The following IL15 variants were observed in gnomAD, a reference collection of about 807,000 sequenced individuals.
The protein encoded by IL15 is interleukin 15, also known as interleukin-15.
In IL15, 11 loss-of-function variants were observed where a neutral mutation model predicts 19.6. The observed-to-expected ratio is 0.56, with a 90% CI of 0.35 to 0.93. The LOEUF (loss-of-function observed/expected upper bound fraction) is 0.93. IL15 is among the 40% of genes least tolerant of loss of function. IL15 has a pLI of 0.01. For synonymous variants in IL15, 58 were observed against 59.6 expected (o/e 0.97, Z 0.12); for missense variants, 197 against 186.5 (o/e 1.06, Z -0.33).
chr4:141,643,425 G>T (rs1003937985), intron 1 of IL15, among the ~76,000 whole-genome samples: 1 of 152,056 alleles, frequency 6.6e-6, no homozygotes, highest in African/African-American at 2.4e-5. Context: ...AACCAGCCAG[G>T]CTGTCATCTC....
chr4:141,732,354 T>C (rs773573957), intron 7 of IL15, among the ~76,000 whole-genome samples: 5 of 152,122 alleles, frequency 3.3e-5, no homozygotes, highest in Non-Finnish European at 5.9e-5. Flanking sequence ...TTCTAGGGCA[T>C]AACATTGAGG....
intron 2 of IL15, among the ~76,000 whole-genome samples, chr4:141,709,600 A>G (rs554931677): frequency 1.1e-4 from 16 of 152,324 alleles, no homozygotes; most frequent in African/African-American, 3.4e-4. Flanking sequence ...TGGCATATCA[A>G]TGCTAGCCTT....
chr4:141,695,974 T>C (rs977475497), intron 2 of IL15, among the ~76,000 whole-genome samples: 3 of 152,144 alleles, frequency 2.0e-5, no homozygotes, highest in Non-Finnish European at 2.9e-5. Flanking sequence ...TTTTCCTATT[T>C]TTGCTTTTGC....
chr4:141,646,578 T>C (rs1299649239), intron 1 of IL15, among the ~76,000 whole-genome samples: 2 of 152,112 alleles, frequency 1.3e-5, no homozygotes, highest in Non-Finnish European at 2.9e-5. Context: ...GAATTCAGAT[T>C]ATTTTTCAGA....
chr4:141,663,737 G>A (rs1327811476), intron 2 of IL15, among the ~76,000 whole-genome samples: 1 of 152,176 alleles, frequency 6.6e-6, no homozygotes, highest in Non-Finnish European at 1.5e-5. Context: ...GAAGTTGAGA[G>A]TAATATTTTT....
At chr4:141,667,502 G>T (rs1005919736) in intron 2 of IL15, among the ~76,000 whole-genome samples, 2 of 152,136 alleles carry the variant, frequency 1.3e-5, no homozygotes, top group Non-Finnish European at 1.5e-5. Context: ...TTGTTGTGGT[G>T]TGAGAGTAGA....
intron 2 of IL15, among the ~76,000 whole-genome samples, chr4:141,662,997 GA>G (rs979931391): frequency 4.0e-5 from 6 of 150,854 alleles, no homozygotes; most frequent in African/African-American, 1.5e-4. Flanking sequence ...ATTATTGGCA[GA>G]AAAAAAATCC....
chr4:141,643,467 G>C (rs1003782181), intron 1 of IL15, among the ~76,000 whole-genome samples: 1 of 152,062 alleles, frequency 6.6e-6, no homozygotes, highest in East Asian at 1.9e-4. Flanking sequence ...CTTGTCAAAG[G>C]TACCACGAAC....
intron 1 of IL15, among the ~76,000 whole-genome samples, chr4:141,642,037 C>T (rs996940871): frequency 3.3e-5 from 5 of 151,270 alleles, no homozygotes; most frequent in Non-Finnish European, 7.4e-5. Context: ...TAAATAATAA[C>T]GTGCTCTTGA....
chr4:141,720,855 A>T (rs1175740031), intron 4 of IL15: 8 of 536,404 alleles, frequency 1.5e-5, no homozygotes, highest in Non-Finnish European at 2.6e-5. Context: ...GATAGACTAC[A>T]TATTTTTCAT....
chr4:141,704,047 T>C (rs950325376), intron 2 of IL15, among the ~76,000 whole-genome samples: 1 of 152,194 alleles, frequency 6.6e-6, no homozygotes, highest in African/African-American at 2.4e-5. Context: ...TGGATGCCTT[T>C]TATTTATCTG....
At chr4:141,656,396 G>T (rs143151545) in intron 2 of IL15, 89 bp downstream of exon 2, 12 of 395,232 alleles carry the variant, frequency 3.0e-5, no homozygotes, top group Non-Finnish European at 4.5e-5. Context: ...GGCAAAACAG[G>T]TGAAGTTATA....
In IL15 at chr4:141,732,028, C is replaced by T. The variant is rs142639727; in HGVS notation, c.379-710C>T. Among the ~76,000 whole-genome samples the T allele has an allele frequency of 8.9e-3, 1,350 of 152,190 alleles. 14 individuals carry two copies. Among genetic ancestry groups the T allele is most frequent in the Middle Eastern group, 0.017 (5 of 294 alleles). On this transcript the variant is annotated intron_variant, in intron 7 of 7. Transcript: ENST00000320650. ...TGCTAGGGAAACAAACATACTGGCT[C>T]TGACCTTCTGGCAGAGAGCTTAGAG...
At chr4:141,648,083 A>G (rs1727289707) in intron 1 of IL15, among the ~76,000 whole-genome samples, 1 of 152,046 alleles carries the variant, frequency 6.6e-6, no homozygotes, top group African/African-American at 2.4e-5. Context: ...TGAGGGGTCA[A>G]GTTAGATCAG....
intron 1 of IL15, among the ~76,000 whole-genome samples, chr4:141,652,615 A>G (rs1225284776): frequency 1.3e-5 from 2 of 152,102 alleles, no homozygotes; most frequent in African/African-American, 4.8e-5. Context: ...GATACATTTC[A>G]TGTGAAGCTA....
At chr4:141,679,236 G>T (rs747523722) in intron 2 of IL15, among the ~76,000 whole-genome samples, 2 of 152,060 alleles carry the variant, frequency 1.3e-5, no homozygotes, top group Non-Finnish European at 2.9e-5. Context: ...TAAGCAAGCC[G>T]TTCCACAGTT....
At chr4:141,671,843 G>A (rs188809000) in intron 2 of IL15, among the ~76,000 whole-genome samples, 90 of 152,270 alleles carry the variant, frequency 5.9e-4, no homozygotes, top group Non-Finnish European at 5.9e-5. Flanking sequence ...AGGGAAGAGA[G>A]ACTCCACCTT....
At chr4:141,732,638 C>A in intron 7 of IL15, 100 bp from the exon 8 acceptor site, 1 of 1,461,306 alleles carries the variant, frequency 6.8e-7, no homozygotes, top group South Asian at 1.3e-5. Flanking sequence ...TATCTCAAGA[C>A]CTCACCATAT....
chr4:141,728,118 G>A (rs979089219), intron 6 of IL15, 134 bp downstream of exon 6: 1 of 540,916 alleles, frequency 1.8e-6, no homozygotes, highest in Non-Finnish European at 3.2e-6. Flanking sequence ...TGGTCAATGA[G>A]TTTTATTAGT....
Sources: gnomAD v4.1 joint callset for allele counts (sites outside exome capture counted in the v4.1 genomes callset) on GRCh38, gnomAD v4.1.1 for gene constraint, MANE v1.5 for transcripts, NCBI Gene and HGNC (gene_info 2026-07-23, HGNC 2026-07-21) for gene names.